The following ROR2 variants were observed in gnomAD, a reference collection of about 807,000 sequenced individuals.
ROR2 encodes the protein ROR family WNT receptor 2, also known as tyrosine-protein kinase transmembrane receptor ROR2.
A neutral mutation model predicts 74.9 loss-of-function variants in ROR2; 33 were observed. That is an observed-to-expected ratio of 0.44 (90% CI 0.33 to 0.59). The LOEUF (loss-of-function observed/expected upper bound fraction) is 0.59. Ranked by LOEUF, ROR2 falls within the 20% of genes least tolerant of loss-of-function variation. The probability of loss-of-function intolerance (pLI) is 0.02; values close to 1 mark genes in which losing one functional copy is unlikely to be tolerated. For missense variants in ROR2, 1,216 were observed against 1,313.8 expected, an observed-to-expected ratio of 0.93 and a Z score of 1.15; for synonymous variants, 586 against 558.7, an observed-to-expected ratio of 1.05 and a Z score of -0.69.
At chr9:91,932,925 C>A (rs887311497) in intron 1 of ROR2, among the ~76,000 whole-genome samples, 1 of 152,116 alleles carries the variant, frequency 6.6e-6, no homozygotes, top group Non-Finnish European at 1.5e-5. Context: ...CCTAGAAAAA[C>A]CCAAAAAGTT....
At chr9:91,766,250 G>C (rs916052703) in intron 2 of ROR2, among the ~76,000 whole-genome samples, 8 of 152,164 alleles carry the variant, frequency 5.3e-5, no homozygotes, top group Non-Finnish European at 7.3e-5. Flanking sequence ...TTCGGCCCTT[G>C]GTCTCAGATA....
At chr9:91,740,841 A>G (rs1218707932) in intron 4 of ROR2, among the ~76,000 whole-genome samples, 1 of 152,132 alleles carries the variant, frequency 6.6e-6, no homozygotes, top group African/African-American at 2.4e-5. Flanking sequence ...ACGTAAGTGC[A>G]GTAGACATGC....
At chr9:91,784,149 C>T (rs865954196) in intron 1 of ROR2, among the ~76,000 whole-genome samples, 3 of 152,146 alleles carry the variant, frequency 2.0e-5, no homozygotes, top group East Asian at 1.9e-4. Flanking sequence ...CTGTGCCCTG[C>T]GGAGCTGCCC....
intron 2 of ROR2, among the ~76,000 whole-genome samples, chr9:91,764,869 A>G (rs1369835661): frequency 6.6e-6 from 1 of 152,202 alleles, no homozygotes; most frequent in Non-Finnish European, 1.5e-5. Flanking sequence ...AATTTGAGGC[A>G]ATACTGTCCT....
intron 1 of ROR2, among the ~76,000 whole-genome samples, chr9:91,940,109 C>A (rs1831809621): frequency 6.6e-6 from 1 of 152,182 alleles, no homozygotes; most frequent in Admixed American, 6.5e-5. Context: ...CACGGGAACC[C>A]CAGAGCACAG....
At chr9:91,904,051 T>TG (rs3083902) in intron 1 of ROR2, among the ~76,000 whole-genome samples, 7,284 of 92,980 alleles carry the variant, frequency 0.078, 206 homozygotes, top group Admixed American at 0.12. Flanking sequence ...TGTTTTTTTT[T>TG]GGGGGGGGGG....
chr9:91,773,252 T>G (rs1826297742), intron 2 of ROR2, among the ~76,000 whole-genome samples: 1 of 152,200 alleles, frequency 6.6e-6, no homozygotes, highest in Admixed American at 6.5e-5. Context: ...TATCAGAGTC[T>G]ATGGAATGAC....
intron 1 of ROR2, among the ~76,000 whole-genome samples, chr9:91,847,650 C>T (rs1330503616): frequency 6.6e-6 from 1 of 151,800 alleles, no homozygotes; most frequent in Non-Finnish European, 1.5e-5. Flanking sequence ...TTTCTCATTT[C>T]CGTGTGCAGC....
At chr9:91,889,756 A>C (rs767028427) in intron 1 of ROR2, among the ~76,000 whole-genome samples, 6 of 152,186 alleles carry the variant, frequency 3.9e-5, no homozygotes, top group Non-Finnish European at 8.8e-5. Flanking sequence ...TGAAGTCCAA[A>C]AACTTAGCGC....
At chr9:91,854,566 G>T (rs1367985075) in intron 1 of ROR2, among the ~76,000 whole-genome samples, 1 of 152,180 alleles carries the variant, frequency 6.6e-6, no homozygotes, top group Non-Finnish European at 1.5e-5. Context: ...TCCTATTGCT[G>T]CCCCAGTTTT....
At chr9:91,942,863 G>A (rs545810789) in intron 1 of ROR2, among the ~76,000 whole-genome samples, 14 of 152,182 alleles carry the variant, frequency 9.2e-5, no homozygotes, top group Admixed American at 5.2e-4. Context: ...GGGAGGGATC[G>A]TGGCCCTGCC....
chr9:91,745,468 G>A (rs1401811731), intron 4 of ROR2, among the ~76,000 whole-genome samples: 1 of 107,318 alleles, frequency 9.3e-6, no homozygotes, highest in African/African-American at 3.8e-5. Flanking sequence ...TTTGCTCGTT[G>A]CCTAGGCTGG....
intron 1 of ROR2, among the ~76,000 whole-genome samples, chr9:91,792,326 G>A (rs75765737): frequency 5.6e-5 from 4 of 71,448 alleles, no homozygotes; most frequent in Middle Eastern, 0.01. Context: ...TTTTTTTTTT[G>A]AGACGGAGTC....
intron 1 of ROR2, among the ~76,000 whole-genome samples, chr9:91,809,376 C>T (rs1331300352): frequency 6.6e-6 from 1 of 152,260 alleles, no homozygotes; most frequent in Non-Finnish European, 1.5e-5. Context: ...CCACCAGGAA[C>T]AGTGGGCACC....
At chr9:91,886,352 A>T (rs114563953) in intron 1 of ROR2, among the ~76,000 whole-genome samples, 1,772 of 152,298 alleles carry the variant, frequency 0.012, 37 homozygotes, top group African/African-American at 0.041. Flanking sequence ...TCCAGGGTGC[A>T]GAGCTAGACA....
At chr9:91,766,527 C>T (rs538819274) in intron 2 of ROR2, among the ~76,000 whole-genome samples, 4 of 152,262 alleles carry the variant, frequency 2.6e-5, no homozygotes, top group South Asian at 2.1e-4. Context: ...TCAACGTCAT[C>T]GATTCTCTAG....
At position 91,901,101 on chromosome 9, in the gene ROR2, G is replaced by A. The variant is rs961025187; in HGVS notation, c.97+48766C>T. 3.9e-5 allele frequency among the ~76,000 whole-genome samples: 6 copies of A among 152,284 alleles called. No homozygotes were observed. In the East Asian group the frequency reaches 9.7e-4, roughly 24 times the overall value. On this transcript the variant is annotated intron_variant, in intron 1 of 8. Transcript: ENST00000375708. ...CCTCCACTCCACCATCCTTCAACTA[G>A]AGAAAAGAACTGTCTTGTAAAACTG...
chr9:91,950,047 G>C lies in ROR2; in HGVS notation c.-84C>G, dbSNP rs566629992. 3.5e-5 allele frequency: 21 copies of C among 592,432 alleles called. No individual in the cohort carries two copies. In the African/African-American group the frequency reaches 4.2e-4, roughly 12 times the overall value. The allele number at this position is 592,432 out of a possible 1,614,324, so 36.7% of individuals were successfully genotyped here. ...GCGCCACCACCCCTTTCTACGATGC[G>C]TCCGCTCCTCCTTCTCCCTGGCGCT... On this transcript the variant is annotated 5_prime_UTR_variant, in exon 1 of 9. Coordinates refer to ENST00000375708, the MANE Select transcript of ROR2 (RefSeq NM_004560.4).
intron 2 of ROR2, among the ~76,000 whole-genome samples, chr9:91,763,931 A>C (rs1825987128): frequency 6.6e-6 from 1 of 152,240 alleles, no homozygotes; most frequent in African/African-American, 2.4e-5. Flanking sequence ...AAGATGGTCC[A>C]CATATGCGTA....
Sources: gnomAD v4.1 joint callset for allele counts (sites outside exome capture counted in the v4.1 genomes callset) on GRCh38, gnomAD v4.1.1 for gene constraint, MANE v1.5 for transcripts, NCBI Gene and HGNC (gene_info 2026-07-23, HGNC 2026-07-21) for gene names.